Variants in DCC observed in about 807,000 individuals in gnomAD.
The protein encoded by DCC is netrin receptor DCC.
In DCC, 58 loss-of-function variants were observed where a neutral mutation model predicts 172.5. That is an observed-to-expected ratio of 0.34 (90% CI 0.27 to 0.42). DCC has a LOEUF of 0.42. DCC is among the 10% of genes least tolerant of loss of function. The probability of loss-of-function intolerance (pLI) is 1.00; values close to 1 mark genes in which losing one functional copy is unlikely to be tolerated. For synonymous variants in DCC, 709 were observed against 644.5 expected (o/e 1.10, Z -1.52); for missense variants, 1,740 against 1,791.0 (o/e 0.97, Z 0.51).
At chr18:52,419,917 C>T (rs1987189274) in intron 1 of DCC, among the ~76,000 whole-genome samples, 1 of 152,108 alleles carries the variant, frequency 6.6e-6, no homozygotes, top group African/African-American at 2.4e-5. Context: ...ACAATAATTT[C>T]ATAAAGTAAG....
intron 2 of DCC, among the ~76,000 whole-genome samples, chr18:52,797,845 C>T (rs1173376262): frequency 1.3e-5 from 2 of 152,184 alleles, no homozygotes; most frequent in African/African-American, 4.8e-5. Flanking sequence ...CATTCACATG[C>T]AGGTGGCAGT....
chr18:52,889,551 G>T (rs1272268889), intron 2 of DCC, among the ~76,000 whole-genome samples: 1 of 152,098 alleles, frequency 6.6e-6, no homozygotes, highest in African/African-American at 2.4e-5. Flanking sequence ...GTAAAGCAGG[G>T]ATTGAGAAGT....
intron 3 of DCC, among the ~76,000 whole-genome samples, chr18:52,923,195 C>T (rs922926044): frequency 6.6e-6 from 1 of 152,098 alleles, no homozygotes; most frequent in African/African-American, 2.4e-5. Context: ...TCTAAGAAAG[C>T]AGTTATTTTC....
chr18:53,299,011 C>T (rs1045757682), intron 12 of DCC, among the ~76,000 whole-genome samples: 6 of 152,120 alleles, frequency 3.9e-5, no homozygotes, highest in Non-Finnish European at 8.8e-5. Flanking sequence ...ATAATATCTG[C>T]CATTTCACCA....
rs550403400 is a variant in DCC at position 53,071,933 on chromosome 18, A to C, written c.1261+5767A>C. On this transcript the variant is annotated intron_variant, in intron 7 of 28. Coordinates refer to ENST00000442544, the MANE Select transcript of DCC (RefSeq NM_005215.4). ...CACCTGAGGTCAGGAGTTTGAGACC[A>C]AACTGGCCAACATGGAGAAACCCCA... 5.9e-5 allele frequency among the ~76,000 whole-genome samples: 9 copies of C among 152,270 alleles called. 1 individual carries two copies. The highest frequency in any genetic ancestry group is 6.8e-3 in the Middle Eastern group (2 of 294).
At chr18:52,532,957 C>G (rs142456286) in intron 1 of DCC, among the ~76,000 whole-genome samples, 2 of 152,108 alleles carry the variant, frequency 1.3e-5, no homozygotes, top group Admixed American at 6.5e-5. Flanking sequence ...CCCACCACCT[C>G]TCACCACCCC....
chr18:53,130,995 T>C (rs1478754138), intron 7 of DCC, among the ~76,000 whole-genome samples: 2 of 152,070 alleles, frequency 1.3e-5, no homozygotes, highest in East Asian at 3.9e-4. Context: ...GAACAGCAAA[T>C]GTAGTGTTTC....
chr18:52,872,596 C>T (rs1208031017), intron 2 of DCC, among the ~76,000 whole-genome samples: 10 of 152,116 alleles, frequency 6.6e-5, no homozygotes, highest in Non-Finnish European at 7.3e-5. Flanking sequence ...ATAAAAAGAA[C>T]AGGAGACTCA....
chr18:53,158,925 G>A (rs113540572), intron 8 of DCC, among the ~76,000 whole-genome samples: 1,833 of 146,752 alleles, frequency 0.012, 39 homozygotes, highest in African/African-American at 0.043. Flanking sequence ...CACGGGAAGC[G>A]GAGGTTGAAG....
intron 5 of DCC, among the ~76,000 whole-genome samples, chr18:52,927,131 A>G (rs374902417): frequency 1.4e-5 from 1 of 70,502 alleles, no homozygotes; most frequent in Non-Finnish European, 3.5e-5. Context: ...ATATACACGT[A>G]TATACGTGTA....
At chr18:52,842,018 A>G (rs1487776341) in intron 2 of DCC, among the ~76,000 whole-genome samples, 1 of 152,050 alleles carries the variant, frequency 6.6e-6, no homozygotes, top group South Asian at 2.1e-4. Context: ...ATATATATAT[A>G]TATACATATA....
intron 22 of DCC, among the ~76,000 whole-genome samples, chr18:53,446,994 A>G (rs1912652589): frequency 6.6e-6 from 1 of 152,226 alleles, no homozygotes; most frequent in African/African-American, 2.4e-5. Flanking sequence ...TTGCTCAGGC[A>G]TTAGTTATAG....
At chr18:53,148,835 ACT>A (rs2043955203) in intron 7 of DCC, among the ~76,000 whole-genome samples, 1 of 147,670 alleles carries the variant, frequency 6.8e-6, no homozygotes, top group Non-Finnish European at 1.5e-5. Context: ...GATCTACCAG[ACT>A]CAAAACTAGC....
At chr18:53,192,042 C>T (rs1221448719) in intron 9 of DCC, among the ~76,000 whole-genome samples, 3 of 152,162 alleles carry the variant, frequency 2.0e-5, no homozygotes, top group African/African-American at 7.2e-5. Flanking sequence ...AACTTCTTAT[C>T]TTTTGAATAC....
At chr18:52,619,417 C>T (rs1319881248) in intron 1 of DCC, among the ~76,000 whole-genome samples, 2 of 152,156 alleles carry the variant, frequency 1.3e-5, no homozygotes, top group South Asian at 4.1e-4. Context: ...GAGCTCTGTG[C>T]CACTCCAGTA....
At chr18:52,374,133 C>G (rs1485637310) in intron 1 of DCC, among the ~76,000 whole-genome samples, 1 of 151,936 alleles carries the variant, frequency 6.6e-6, no homozygotes, top group African/African-American at 2.4e-5. Flanking sequence ...ACCTCGTGAT[C>G]TGCCTGCCTC....
intron 2 of DCC, among the ~76,000 whole-genome samples, chr18:52,835,642 A>C (rs1008799492): frequency 2.0e-5 from 3 of 152,222 alleles, no homozygotes; most frequent in African/African-American, 7.2e-5. Flanking sequence ...TTCAGAGTAA[A>C]TTCACTTAAA....
chr18:52,506,851 G>T (rs1474777792), intron 1 of DCC, among the ~76,000 whole-genome samples: 2 of 152,054 alleles, frequency 1.3e-5, no homozygotes, highest in African/African-American at 4.8e-5. Flanking sequence ...TAGCAATGTA[G>T]TATATGGGGA....
At position 53,157,447 on chromosome 18, in the gene DCC, A is replaced by G; in HGVS notation, c.1353A>G (p.Pro451=). ...GATTTGTCCGTCTCAGCTGGCGCCC[A>G]CCTGCAGAAGCGAAAGGGAACATTC... ...SSRFVRLSWR[P]PAEAKGNIQT... is the part of the protein sequence containing the mutation. The change falls in exon 8 of 29, where the codon CCA becomes CCG. Residue 451 remains proline, a synonymous_variant. Coordinates refer to ENST00000442544, the MANE Select transcript of DCC (RefSeq NM_005215.4). The G allele has an allele frequency of 6.2e-7, 1 of 1,614,112 alleles. No individual in the cohort carries two copies. The highest frequency in any genetic ancestry group is 8.5e-7 in the Non-Finnish European group (1 of 1,180,004).
Sources: gnomAD v4.1 joint callset for allele counts (sites outside exome capture counted in the v4.1 genomes callset) on GRCh38, gnomAD v4.1.1 for gene constraint, MANE v1.5 for transcripts, NCBI Gene and HGNC (gene_info 2026-07-23, HGNC 2026-07-21) for gene names.